Variants in ST3GAL1 observed in about 807,000 individuals in gnomAD.
ST3GAL1 encodes the protein CMP-N-acetylneuraminate-beta-galactosamide-alpha-2,3-sialyltransferase 1.
In ST3GAL1, 16 loss-of-function variants were observed where a neutral mutation model predicts 34.1. The observed-to-expected ratio is 0.47, with a 90% CI of 0.32 to 0.71. The LOEUF (loss-of-function observed/expected upper bound fraction) is 0.71, where lower values mean the gene tolerates loss of function less well. Among genes scored for constraint, ST3GAL1 ranks in the 30% least tolerant of loss-of-function variants. The pLI is 0.04. For synonymous variants in ST3GAL1, 191 were observed against 184.7 expected, an observed-to-expected ratio of 1.03 and a Z score of -0.28; for missense variants, 353 against 447.4, an observed-to-expected ratio of 0.79 and a Z score of 1.90.
chr8:133,477,833 GTGTAGA>G (rs1304987930), intron 3 of ST3GAL1, among the ~76,000 whole-genome samples: 3 of 152,026 alleles, frequency 2.0e-5, no homozygotes, highest in Non-Finnish European at 4.4e-5. Flanking sequence ...CATTCTCAAG[GTGTAGA>G]TTGTCAATAA....
Position 133,463,398 on chromosome 8 carries a change from C to T in ST3GAL1, c.729+16G>A, listed in dbSNP as rs370250517. 9.5e-5 allele frequency: 154 copies of T among 1,613,654 alleles called. 1 individual carries two copies. The East Asian group carries it at 2.9e-3, about 30-fold the overall frequency. On this transcript the variant is annotated intron_variant, in intron 8 of 9. Transcript: ENST00000522652. Reference sequence around the variant, plus strand: ...AAGCCTGAACTTAGAACAGAGGGGCCGGGGCCTCCACTCACCTTATCCTGT... The same window carrying T: ...AAGCCTGAACTTAGAACAGAGGGGCTGGGGCCTCCACTCACCTTATCCTGT...
At chr8:133,512,175 G>A (rs1426119941) in intron 2 of ST3GAL1, among the ~76,000 whole-genome samples, 4 of 152,208 alleles carry the variant, frequency 2.6e-5, no homozygotes, top group African/African-American at 9.6e-5. Context: ...ATGAGACCCA[G>A]AACTTCAAAA....
chr8:133,466,926 A>G lies in ST3GAL1; in HGVS notation c.307-836T>C, dbSNP rs1184802925. On this transcript the variant is annotated intron_variant, in intron 5 of 9. Transcript: ENST00000522652. This position sits in a 1 kb window ranked among gnomAD's most constrained non-coding sequence, Gnocchi z 4.4. ...AGCCTGGCCAATATGGTGAAACCCC[A>G]TCTCTATTAAAAATACAAAAAAGCC... Among the ~76,000 whole-genome samples the G allele has an allele frequency of 6.6e-6, 1 of 152,070 alleles. No homozygotes were observed. The highest frequency in any genetic ancestry group is 2.4e-5 in the African/African-American group (1 of 41,396).
chr8:133,549,533 C>G (rs1232336941), intron 1 of ST3GAL1, among the ~76,000 whole-genome samples: 1 of 152,196 alleles, frequency 6.6e-6, no homozygotes, highest in Non-Finnish European at 1.5e-5. Context: ...AAGCCTAAGA[C>G]TCTTCATGAA....
At chr8:133,481,249 C>A (rs1816372262) in intron 3 of ST3GAL1, among the ~76,000 whole-genome samples, 1 of 152,152 alleles carries the variant, frequency 6.6e-6, no homozygotes, top group Non-Finnish European at 1.5e-5. Context: ...ACAGAAGTGG[C>A]ACATTACTTT....
intron 6 of ST3GAL1, among the ~76,000 whole-genome samples, chr8:133,465,255 C>T (rs1352870311): frequency 1.3e-5 from 2 of 152,254 alleles, no homozygotes; most frequent in East Asian, 3.9e-4. Context: ...TCAAGGAAAC[C>T]TGACTCTGAT....
intron 3 of ST3GAL1, among the ~76,000 whole-genome samples, chr8:133,491,347 G>C (rs987131834): frequency 6.6e-6 from 1 of 152,066 alleles, no homozygotes; most frequent in Admixed American, 6.5e-5. Context: ...GCGCACCCAG[G>C]CTCACACCTG....
At chr8:133,498,681 G>A (rs1298142106) in intron 3 of ST3GAL1, among the ~76,000 whole-genome samples, 1 of 152,238 alleles carries the variant, frequency 6.6e-6, no homozygotes, top group African/African-American at 2.4e-5. Flanking sequence ...GTGGTGCTGA[G>A]TGAGATTGAG....
chr8:133,539,886 A>T (rs571831938), intron 2 of ST3GAL1, among the ~76,000 whole-genome samples: 1 of 152,138 alleles, frequency 6.6e-6, no homozygotes, highest in Non-Finnish European at 1.5e-5. Flanking sequence ...CCAGAGTGAG[A>T]CTCTGTCTCA....
Position 133,459,660 on chromosome 8 carries a change from C to T in ST3GAL1, c.*104G>A. 2.1e-6 allele frequency: 3 copies of T among 1,447,480 alleles called. No individual in the cohort carries two copies. Among genetic ancestry groups the T allele is most frequent in the Non-Finnish European group, 2.8e-6 (3 of 1,076,658 alleles). The allele number at this position is 1,447,480 out of a possible 1,614,324, so 89.7% of individuals were successfully genotyped here. ...CTGTGAGCGGTGCCCAGGCACACACCTGAGGCTGCCCCTCCAAGCTCCGGG... is the reference window on the plus strand; with the variant it reads ...CTGTGAGCGGTGCCCAGGCACACACTTGAGGCTGCCCCTCCAAGCTCCGGG... On this transcript the variant is annotated 3_prime_UTR_variant, in exon 10 of 10. Coordinates refer to ENST00000522652, the MANE Select transcript of ST3GAL1 (RefSeq NM_173344.3). The surrounding 1 kb of genome is among the most constrained non-coding windows in gnomAD (Gnocchi z 4.7).
Position 133,508,463 on chromosome 8 carries a change from C to T in ST3GAL1, c.-428-9274G>A, listed in dbSNP as rs75478516. ...AGCTCCCCTGCGTAGCCCTGTGTCC[C>T]CCACCCTTTCCCTGGAACACTTCCT... On this transcript the variant is annotated intron_variant, in intron 2 of 9. Transcript: ENST00000522652. The surrounding 1 kb of genome is among the most constrained non-coding windows in gnomAD (Gnocchi z 4.1). Among the ~76,000 whole-genome samples the T allele has an allele frequency of 0.064, 9,791 of 152,212 alleles. 410 individuals carry two copies. Among genetic ancestry groups the T allele is most frequent in the East Asian group, 0.18 (936 of 5,148 alleles).
chr8:133,491,701 T>C (rs1286946906), intron 3 of ST3GAL1, among the ~76,000 whole-genome samples: 1 of 152,186 alleles, frequency 6.6e-6, no homozygotes, highest in Non-Finnish European at 1.5e-5. Flanking sequence ...ACCCAGCTAC[T>C]ACAATGGCGA....
chr8:133,482,222 A>C (rs1816420412), intron 3 of ST3GAL1, among the ~76,000 whole-genome samples: 1 of 151,910 alleles, frequency 6.6e-6, no homozygotes, highest in Non-Finnish European at 1.5e-5. Flanking sequence ...GCCTTCAAAG[A>C]GCTGGATTTC....
intron 2 of ST3GAL1, among the ~76,000 whole-genome samples, chr8:133,534,886 G>A (rs1458557942): frequency 6.6e-6 from 1 of 152,240 alleles, no homozygotes; most frequent in Non-Finnish European, 1.5e-5. Context: ...CCCACAGGGT[G>A]CTCTGTGAGT....
At chr8:133,510,909 G>A (rs1419105707) in intron 2 of ST3GAL1, among the ~76,000 whole-genome samples, 4 of 152,182 alleles carry the variant, frequency 2.6e-5, no homozygotes. Flanking sequence ...AGGTGACTGC[G>A]GCGGCCAATC....
At chr8:133,465,071 T>G (rs1181954609) in intron 6 of ST3GAL1, 114 bp from the exon 7 acceptor site, 4 of 988,438 alleles carry the variant, frequency 4.0e-6, no homozygotes, top group Non-Finnish European at 5.9e-6. Context: ...TCACCTGCCT[T>G]CCCCGGGCCT....
chr8:133,483,161 G>A (rs2130959372), intron 3 of ST3GAL1, among the ~76,000 whole-genome samples: 1 of 152,316 alleles, frequency 6.6e-6, no homozygotes, highest in East Asian at 1.9e-4. Flanking sequence ...GGCCAACATG[G>A]TGAAACCCTG....
At chr8:133,542,779 C>CCAA (rs1818569468) in intron 2 of ST3GAL1, among the ~76,000 whole-genome samples, 1 of 85,528 alleles carries the variant, frequency 1.2e-5, no homozygotes, top group Non-Finnish European at 2.3e-5. Flanking sequence ...TCCTCCATCT[C>CCAA]AAAAAAAAAA....
chr8:133,508,304 G>T lies in ST3GAL1; in HGVS notation c.-428-9115C>A, dbSNP rs1339900936. Among the ~76,000 whole-genome samples the T allele has an allele frequency of 6.6e-6, 1 of 152,124 alleles. No individual in the cohort carries two copies. Among genetic ancestry groups the T allele is most frequent in the Non-Finnish European group, 1.5e-5 (1 of 68,026 alleles). ...TTTCTGCTGCCTATAATCTTCTGAG[G>T]CTCCCAAATGTCCCTGAGTCCAGGC... On this transcript the variant is annotated intron_variant, in intron 2 of 9. Coordinates refer to ENST00000522652, the MANE Select transcript of ST3GAL1 (RefSeq NM_173344.3). This position sits in a 1 kb window ranked among gnomAD's most constrained non-coding sequence, Gnocchi z 4.1.
Sources: allele counts gnomAD v4.1 joint callset (sites outside exome capture counted in the v4.1 genomes callset), GRCh38; gene constraint gnomAD v4.1.1; non-coding constraint Gnocchi (gnomAD v3.1); transcripts MANE v1.5; gene names NCBI Gene and HGNC (gene_info 2026-07-23, HGNC 2026-07-21).